Variants in FOXQ1 observed in about 807,000 individuals in gnomAD.
The protein encoded by FOXQ1 is forkhead box Q1, also known as forkhead box protein Q1.
A neutral mutation model predicts 0.6 loss-of-function variants in FOXQ1; 1 was observed. That is an observed-to-expected ratio of 1.73 (90% CI 0.61 to 8.20). The LOEUF is 8.20. Ranked by LOEUF, FOXQ1 falls within the 30% of genes most tolerant of loss-of-function variation. The probability of loss-of-function intolerance (pLI) is 0.13; values close to 1 mark genes in which losing one functional copy is unlikely to be tolerated. For synonymous variants in FOXQ1, 377 were observed against 294.4 expected (o/e 1.28, Z -2.87); for missense variants, 734 against 595.6 (o/e 1.23, Z -2.42).
Position 1,312,504 on chromosome 6 carries a change from C to A in FOXQ1, c.-201C>A. ...CCTCTCCGCCCCATAGTCCACCCAA[C>A]ACTTGCAGCCCCTCCAGAGAAAAAG... On this transcript the variant is annotated 5_prime_UTR_variant, in exon 1 of 1. Coordinates refer to ENST00000296839, the MANE Select transcript of FOXQ1 (RefSeq NM_033260.4). 1.3e-6 allele frequency: 1 copy of A among 799,680 alleles called. No homozygotes were observed. Among genetic ancestry groups the A allele is most frequent in the Non-Finnish European group, 1.7e-6 (1 of 593,804 alleles). 49.5% of individuals were successfully genotyped at this position (799,680 alleles called of 1,614,324 possible).
Position 1,313,176 on chromosome 6 carries a change from G to A in FOXQ1, c.472G>A (p.Gly158Ser). The A allele has an allele frequency of 1.2e-6, 2 of 1,610,356 alleles. No homozygotes were observed. The highest frequency in any genetic ancestry group is 1.7e-6 in the Non-Finnish European group (2 of 1,178,872). Reference sequence around the variant, plus strand: ...CATGGGCAAGTTCCCCTTTTTCCGCGGCAGCTACACGGGCTGGCGCAACTC... The same window carrying A: ...CATGGGCAAGTTCCCCTTTTTCCGCAGCAGCTACACGGGCTGGCGCAACTC... ...YLMGKFPFFR[G>S]SYTGWRNSVR... Residue 158 changes from glycine to serine, a missense_variant, in exon 1 of 1, where the codon GGC (glycine) becomes AGC (serine). Coordinates refer to ENST00000296839, the MANE Select transcript of FOXQ1 (RefSeq NM_033260.4). The surrounding 1 kb of genome is among the most constrained non-coding windows in gnomAD (Gnocchi z 5.2).
chr6:1,313,358 C>T lies in FOXQ1; in HGVS notation c.654C>T (p.His218=), dbSNP rs745952807. ...VFRRRRKRLS[H]RAPVPAPGLR... is the part of the protein sequence containing the mutation. ...GCCGCCGCCGCAAGCGCCTCAGCCA[C>T]CGCGCGCCGGTCCCCGCGCCCGGGC... Residue 218 remains histidine, a synonymous_variant, in exon 1 of 1, where the codon CAC becomes CAT. Transcript: ENST00000296839. The surrounding 1 kb of genome is among the most constrained non-coding windows in gnomAD (Gnocchi z 5.2). 4 of 1,536,386 alleles carry T rather than the reference C, an allele frequency of 2.6e-6. No individual in the cohort carries two copies. The highest frequency in any genetic ancestry group is 2.7e-5 in the East Asian group (1 of 37,444).
In FOXQ1 at chr6:1,313,326, G is replaced by T; in HGVS notation, c.622G>T (p.Val208Phe). ...PNSEYTFADGVFRRRRKRLSH... is the reference protein window; with the variant it reads ...PNSEYTFADGFFRRRRKRLSH... ...CAGCGAGTACACCTTCGCCGACGGG[G>T]TCTTCCGCCGCCGCCGCAAGCGCCT... Residue 208 changes from valine to phenylalanine, a missense_variant, in exon 1 of 1, where the codon GTC (valine) becomes TTC (phenylalanine). Val to Phe is a conservative substitution (Grantham distance 50, BLOSUM62 -1). Transcript: ENST00000296839. The surrounding 1 kb of genome is among the most constrained non-coding windows in gnomAD (Gnocchi z 5.2). The T allele has an allele frequency of 6.4e-7, 1 of 1,572,644 alleles. No homozygotes were observed. Among genetic ancestry groups the T allele is most frequent in the Non-Finnish European group, 8.6e-7 (1 of 1,161,494 alleles).
Position 1,312,675 on chromosome 6 carries a change from C to A in FOXQ1, c.-30C>A, listed in dbSNP as rs768031986. The stretch of plus-strand genomic sequence containing the variant: ...CTAGGCTGCGCGAAGGAAGAGGGTA[C>A]GACGCCGGGGAGGGACTGGGTGCGC... On this transcript the variant is annotated 5_prime_UTR_variant, in exon 1 of 1. Coordinates refer to ENST00000296839, the MANE Select transcript of FOXQ1 (RefSeq NM_033260.4). The A allele has an allele frequency of 1.5e-6, 2 of 1,300,030 alleles. No homozygotes were observed. Among genetic ancestry groups the A allele is most frequent in the Non-Finnish European group, 1.9e-6 (2 of 1,027,434 alleles). The allele number at this position is 1,300,030 out of a possible 1,614,324, so 80.5% of individuals were successfully genotyped here.
At position 1,314,402 on chromosome 6, in the gene FOXQ1, C is replaced by T. The variant is rs1757609704; in HGVS notation, c.*486C>T. ...GAGTGTGAGAGACATGTCAGAGGCT[C>T]TTCAGTGATTTCTTGCTATTGACCG... On this transcript the variant is annotated 3_prime_UTR_variant, in exon 1 of 1. Transcript: ENST00000296839. The T allele has an allele frequency of 6.0e-6, 1 of 166,792 alleles. No homozygotes were observed. The highest frequency in any genetic ancestry group is 1.5e-5 in the Non-Finnish European group (1 of 68,144). 10.3% of individuals were successfully genotyped at this position (166,792 alleles called of 1,614,324 possible). A position where few individuals can be genotyped will look rare whatever the true frequency, so the allele number is the denominator to read the frequency against.
chr6:1,312,821 C>T lies in FOXQ1; in HGVS notation c.117C>T (p.Ser39=), dbSNP rs1247932761. The part of the protein sequence containing the change: ...PSPLSAAGDD[S]LGSDGDCAAN... ...CGCTGTCGGCGGCGGGAGACGACTC[C>T]CTGGGCTCAGATGGGGACTGCGCGG... The change falls in exon 1 of 1, where the codon TCC becomes TCT. Residue 39 remains serine (S), a synonymous_variant. Transcript: ENST00000296839. The T allele has an allele frequency of 6.9e-6, 9 of 1,306,684 alleles. No homozygotes were observed. The East Asian group carries it at 9.4e-5, about 14-fold the overall frequency. The allele number at this position is 1,306,684 out of a possible 1,614,324, so 80.9% of individuals were successfully genotyped here. A position where few individuals can be genotyped will look rare whatever the true frequency, so the allele number is the denominator to read the frequency against.
In FOXQ1 at chr6:1,314,117, C is replaced by T; in HGVS notation, c.*201C>T. 1.3e-6 allele frequency: 1 copy of T among 760,974 alleles called. No individual in the cohort carries two copies. The allele number at this position is 760,974 out of a possible 1,614,324, so 47.1% of individuals were successfully genotyped here. A position where few individuals can be genotyped will look rare whatever the true frequency, so the allele number is the denominator to read the frequency against. On this transcript the variant is annotated 3_prime_UTR_variant, in exon 1 of 1. Transcript: ENST00000296839. ...TTTTCCTTTGTGTTTTATAACTTTA[C>T]AGAGGACCAAAGCAATTCTTGTTTT... is the stretch of plus-strand genomic sequence containing the variant.
In FOXQ1 at chr6:1,314,204, C is replaced by T. The variant is rs552793516; in HGVS notation, c.*288C>T. ...AAGGACTTTTTTTGTCTTTCTTTAA[C>T]GCCCAGGCTTCGTCTTATTTCTACT... On this transcript the variant is annotated 3_prime_UTR_variant, in exon 1 of 1. Coordinates refer to ENST00000296839, the MANE Select transcript of FOXQ1 (RefSeq NM_033260.4). The T allele has an allele frequency of 9.1e-5, 23 of 252,398 alleles. No homozygotes were observed. In the South Asian group the frequency reaches 3.5e-3, roughly 38 times the overall value. 15.6% of individuals were successfully genotyped at this position (252,398 alleles called of 1,614,324 possible).
rs761463654 is a variant in FOXQ1 at position 1,313,375 on chromosome 6, C to T, written c.671C>T (p.Ala224Val). The change falls in exon 1 of 1, where the codon GCG (alanine) becomes GTG (valine). Residue 224 changes from alanine to valine, a missense_variant. Coordinates refer to ENST00000296839, the MANE Select transcript of FOXQ1 (RefSeq NM_033260.4). This position sits in a 1 kb window ranked among gnomAD's most constrained non-coding sequence, Gnocchi z 5.2. ...CTCAGCCACCGCGCGCCGGTCCCCGCGCCCGGGCTGCGGCCCGAGGAGGCC... is the reference window on the plus strand; with the variant it reads ...CTCAGCCACCGCGCGCCGGTCCCCGTGCCCGGGCTGCGGCCCGAGGAGGCC... ...KRLSHRAPVP[A>V]PGLRPEEAPG... is the part of the protein sequence containing the mutation. 1 of 1,461,378 alleles carries T rather than the reference C, an allele frequency of 6.8e-7. No individual in the cohort carries two copies. The highest frequency in any genetic ancestry group is 2.9e-5 in the East Asian group (1 of 34,358). The allele number at this position is 1,461,378 out of a possible 1,614,324, so 90.5% of individuals were successfully genotyped here.
chr6:1,313,808 C>A lies in FOXQ1; in HGVS notation c.1104C>A (p.Gly368=). Residue 368 remains glycine (G), a synonymous_variant, in exon 1 of 1, where the codon GGC becomes GGA. Coordinates refer to ENST00000296839, the MANE Select transcript of FOXQ1 (RefSeq NM_033260.4). This position sits in a 1 kb window ranked among gnomAD's most constrained non-coding sequence, Gnocchi z 5.2. ...PAKPLRGPAA[G]GAHLYCPLRL... is the part of the protein sequence containing the mutation. ...AGCCACTCCGAGGCCCGGCGGCCGGCGGCGCGCACCTGTACTGCCCCCTGC... is the reference window on the plus strand; with the variant it reads ...AGCCACTCCGAGGCCCGGCGGCCGGAGGCGCGCACCTGTACTGCCCCCTGC... 7.8e-7 allele frequency: 1 copy of A among 1,278,120 alleles called. No homozygotes were observed. The allele number at this position is 1,278,120 out of a possible 1,614,324, so 79.2% of individuals were successfully genotyped here.
At position 1,313,536 on chromosome 6, in the gene FOXQ1, C is replaced by T; in HGVS notation, c.832C>T (p.Arg278Cys). The change falls in exon 1 of 1, where the codon CGC (arginine) becomes TGC (cysteine). Residue 278 changes from arginine to cysteine, a missense_variant. Coordinates refer to ENST00000296839, the MANE Select transcript of FOXQ1 (RefSeq NM_033260.4). This position sits in a 1 kb window ranked among gnomAD's most constrained non-coding sequence, Gnocchi z 5.2. ...CTCCTTCGCCATCGACAGCATCCTG[C>T]GCAAGCCCTTCCGCAGCCGCCGCCT... ...SSSFAIDSIL[R>C]KPFRSRRLRD... 7.9e-7 allele frequency: 1 copy of T among 1,267,294 alleles called. No homozygotes were observed. The highest frequency in any genetic ancestry group is 1.5e-5 in the South Asian group (1 of 64,750). The allele number at this position is 1,267,294 out of a possible 1,614,324, so 78.5% of individuals were successfully genotyped here.
rs1290789376 is a variant in FOXQ1, at chr6:1,312,871, G to A, written c.167G>A (p.Gly56Asp). Reference sequence around the variant, plus strand: ...GCCAACAGCCCGGCCGCGGGCGGCGGCGCCAGAGATACGCAGGGCGACGGC... The same window carrying A: ...GCCAACAGCCCGGCCGCGGGCGGCGACGCCAGAGATACGCAGGGCGACGGC... ...CAANSPAAGG[G>D]ARDTQGDGEQ... The change falls in exon 1 of 1, where the codon GGC (glycine) becomes GAC (aspartate). Residue 56 changes from glycine to aspartate, a missense_variant. Coordinates refer to ENST00000296839, the MANE Select transcript of FOXQ1 (RefSeq NM_033260.4). 7.8e-7 allele frequency: 1 copy of A among 1,277,654 alleles called. No individual in the cohort carries two copies. Among genetic ancestry groups the A allele is most frequent in the Non-Finnish European group, 9.9e-7 (1 of 1,015,138 alleles). 79.1% of individuals were successfully genotyped at this position (1,277,654 alleles called of 1,614,324 possible).
chr6:1,313,964 C>T lies in FOXQ1; in HGVS notation c.*48C>T, dbSNP rs1297427451. On this transcript the variant is annotated 3_prime_UTR_variant, in exon 1 of 1. Transcript: ENST00000296839. This position sits in a 1 kb window ranked among gnomAD's most constrained non-coding sequence, Gnocchi z 5.2. Reference sequence around the variant, plus strand: ...CGCCGAGTGCGCGCCGTCGGGGAGGCGGGAACGCGGGCCCGCGCGCGGACT... The same window carrying T: ...CGCCGAGTGCGCGCCGTCGGGGAGGTGGGAACGCGGGCCCGCGCGCGGACT... The T allele has an allele frequency of 4.9e-6, 6 of 1,216,876 alleles. No homozygotes were observed. In the African/African-American group the frequency reaches 6.3e-5, roughly 13 times the overall value. 75.4% of individuals were successfully genotyped at this position (1,216,876 alleles called of 1,614,324 possible).
rs1485321041 is a variant in FOXQ1 at position 1,313,359 on chromosome 6, C to T, written c.655C>T (p.Arg219Cys). 50 of 1,533,284 alleles carry T rather than the reference C, an allele frequency of 3.3e-5. No individual in the cohort carries two copies. Among genetic ancestry groups the T allele is most frequent in the South Asian group, 7.2e-5 (6 of 83,792 alleles). 95.0% of individuals were successfully genotyped at this position (1,533,284 alleles called of 1,614,324 possible). ...FRRRRKRLSHRAPVPAPGLRP... is the reference protein window; with the variant it reads ...FRRRRKRLSHCAPVPAPGLRP... ...CCGCCGCCGCAAGCGCCTCAGCCAC[C>T]GCGCGCCGGTCCCCGCGCCCGGGCT... Residue 219 changes from arginine to cysteine, a missense_variant, in exon 1 of 1, where the codon CGC becomes TGC. Physicochemically the swap from Arg to Cys is radical, Grantham distance 180. Coordinates refer to ENST00000296839, the MANE Select transcript of FOXQ1 (RefSeq NM_033260.4). The surrounding 1 kb of genome is among the most constrained non-coding windows in gnomAD (Gnocchi z 5.2).
At position 1,312,548 on chromosome 6, in the gene FOXQ1, C is replaced by T. The variant is rs192687213; in HGVS notation, c.-157C>T. 2.0e-4 allele frequency: 236 copies of T among 1,168,736 alleles called. 1 individual carries two copies. Among genetic ancestry groups the T allele is most frequent in the Non-Finnish European group, 2.4e-4 (225 of 926,570 alleles). The allele number at this position is 1,168,736 out of a possible 1,614,324, so 72.4% of individuals were successfully genotyped here. ...GAAAAAGCCCAGCGGAAGAGGACTCCGGAAAAGTGACTATCTCGGAAGACC... is the reference window on the plus strand; with the variant it reads ...GAAAAAGCCCAGCGGAAGAGGACTCTGGAAAAGTGACTATCTCGGAAGACC... On this transcript the variant is annotated 5_prime_UTR_variant, in exon 1 of 1. Transcript: ENST00000296839.
Position 1,313,993 on chromosome 6 carries a change from C to G in FOXQ1, c.*77C>G. On this transcript the variant is annotated 3_prime_UTR_variant, in exon 1 of 1. Coordinates refer to ENST00000296839, the MANE Select transcript of FOXQ1 (RefSeq NM_033260.4). This position sits in a 1 kb window ranked among gnomAD's most constrained non-coding sequence, Gnocchi z 5.2. ...AACGCGGGCCCGCGCGCGGACTTTG[C>G]ACTTTGAATCCAGAGGAAGATGAAT... 6 of 1,208,074 alleles carry G rather than the reference C, an allele frequency of 5.0e-6. No individual in the cohort carries two copies. The highest frequency in any genetic ancestry group is 6.2e-6 in the Non-Finnish European group (6 of 969,836). The allele number at this position is 1,208,074 out of a possible 1,614,324, so 74.8% of individuals were successfully genotyped here.
At position 1,313,478 on chromosome 6, in the gene FOXQ1, G is replaced by T; in HGVS notation, c.774G>T (p.Glu258Asp). 1 of 1,130,722 alleles carries T rather than the reference G, an allele frequency of 8.8e-7. No individual in the cohort carries two copies. 70.0% of individuals were successfully genotyped at this position (1,130,722 alleles called of 1,614,324 possible). A position where few individuals can be genotyped will look rare whatever the true frequency, so the allele number is the denominator to read the frequency against. Residue 258 changes from glutamate (E) to aspartate (D), a missense_variant, in exon 1 of 1, where the codon GAG becomes GAT. Coordinates refer to ENST00000296839, the MANE Select transcript of FOXQ1 (RefSeq NM_033260.4). This position sits in a 1 kb window ranked among gnomAD's most constrained non-coding sequence, Gnocchi z 5.2. The stretch of plus-strand genomic sequence containing the variant: ...GCATGCGCTCGCCCGCCCGCCAGGA[G>T]GAGCGCGCCAGCCCCGCGGGCAAGT... ...SPRMRSPARQ[E>D]ERASPAGKFS...
rs1234080870 is a variant in FOXQ1 at position 1,312,873 on chromosome 6, G to T, written c.169G>T (p.Ala57Ser). ...AANSPAAGGG[A>S]RDTQGDGEQS... is the part of the protein sequence containing the mutation. ...CAACAGCCCGGCCGCGGGCGGCGGCGCCAGAGATACGCAGGGCGACGGCGA... is the reference window on the plus strand; with the variant it reads ...CAACAGCCCGGCCGCGGGCGGCGGCTCCAGAGATACGCAGGGCGACGGCGA... Residue 57 changes from alanine to serine, a missense_variant, in exon 1 of 1, where the codon GCC becomes TCC. Physicochemically the swap from Ala to Ser is moderately conservative, Grantham distance 99. Coordinates refer to ENST00000296839, the MANE Select transcript of FOXQ1 (RefSeq NM_033260.4). 7.8e-7 allele frequency: 1 copy of T among 1,278,416 alleles called. No individual in the cohort carries two copies. Among genetic ancestry groups the T allele is most frequent in the Non-Finnish European group, 9.8e-7 (1 of 1,015,436 alleles). The allele number at this position is 1,278,416 out of a possible 1,614,324, so 79.2% of individuals were successfully genotyped here.
rs747510549 is a variant in FOXQ1 at position 1,313,123 on chromosome 6, T to C, written c.419T>C (p.Leu140Ser). The change falls in exon 1 of 1, where the codon TTG becomes TCG. Residue 140 changes from leucine to serine, a missense_variant. By Grantham distance (145) the Leu-to-Ser change is moderately radical. Coordinates refer to ENST00000296839, the MANE Select transcript of FOXQ1 (RefSeq NM_033260.4). This position sits in a 1 kb window ranked among gnomAD's most constrained non-coding sequence, Gnocchi z 5.2. ...MAIRDSAGGR[L>S]TLAEINEYLM... ...ATCCGCGACTCGGCGGGCGGGCGCT[T>C]GACGCTGGCGGAGATCAACGAGTAC... 1 of 1,606,932 alleles carries C rather than the reference T, an allele frequency of 6.2e-7. No homozygotes were observed. Among genetic ancestry groups the C allele is most frequent in the South Asian group, 1.1e-5 (1 of 90,864 alleles).
Sources: allele counts gnomAD v4.1 joint callset, GRCh38; gene constraint gnomAD v4.1.1; non-coding constraint Gnocchi (gnomAD v3.1); transcripts MANE v1.5; gene names NCBI Gene and HGNC (gene_info 2026-07-23, HGNC 2026-07-21).